Variants in COBLL1 observed in about 807,000 individuals in gnomAD.
COBLL1 encodes the protein cordon-bleu WH2 repeat protein like 1.
In COBLL1, 50 loss-of-function variants were observed where a neutral mutation model predicts 94.8. The observed-to-expected ratio is 0.53, with a 90% CI of 0.42 to 0.67. The LOEUF (loss-of-function observed/expected upper bound fraction) is 0.67. Ranked by LOEUF, COBLL1 falls within the 30% of genes least tolerant of loss-of-function variation. The pLI is 0.00. For missense variants in COBLL1, 1,362 were observed against 1,348.7 expected (o/e 1.01, Z -0.15); for synonymous variants, 448 against 473.8 (o/e 0.95, Z 0.71).
At chr2:164,765,963 C>T (rs1316489046) in intron 2 of COBLL1, among the ~76,000 whole-genome samples, 3 of 152,104 alleles carry the variant, frequency 2.0e-5, no homozygotes, top group African/African-American at 4.8e-5. Flanking sequence ...CCCTAACCAA[C>T]CTCCAGCCTC....
At position 164,841,509 on chromosome 2, in the gene COBLL1, T is replaced by C; in HGVS notation, c.-51+201A>G. The C allele has an allele frequency of 9.3e-7, 1 of 1,073,062 alleles. No homozygotes were observed. Among genetic ancestry groups the C allele is most frequent in the Non-Finnish European group, 1.1e-6 (1 of 875,562 alleles). The allele number at this position is 1,073,062 out of a possible 1,614,324, so 66.5% of individuals were successfully genotyped here. ...CCGTGGGGTTTACTGGGTAGCCATT[T>C]GGCGCCTCTCGGAGGGAGAGGAGCC... On this transcript the variant is annotated intron_variant, in intron 1 of 13. Transcript: ENST00000652658. The surrounding 1 kb of genome is among the most constrained non-coding windows in gnomAD (Gnocchi z 5.5).
intron 2 of COBLL1, among the ~76,000 whole-genome samples, chr2:164,834,538 A>C (rs1683232670): frequency 6.6e-6 from 1 of 152,234 alleles, no homozygotes; most frequent in African/African-American, 2.4e-5. Flanking sequence ...AATACTTAGA[A>C]GTCTCCTGTA....
intron 2 of COBLL1, among the ~76,000 whole-genome samples, chr2:164,818,686 G>GTA (rs1332912280): frequency 3.4e-5 from 5 of 147,518 alleles, no homozygotes; most frequent in African/African-American, 1.0e-4. Flanking sequence ...AACATATATA[G>GTA]TGTATATGTA....
intron 2 of COBLL1, chr2:164,837,502 CAAA>C: frequency 5.3e-6 from 2 of 378,540 alleles, no homozygotes; most frequent in Admixed American, 3.3e-5. Context: ...TTGCTCTCTG[CAAA>C]AAAAAAACGC....
chr2:164,790,178 C>T (rs1029599324), intron 2 of COBLL1, among the ~76,000 whole-genome samples: 3 of 152,168 alleles, frequency 2.0e-5, no homozygotes, highest in African/African-American at 7.2e-5. Flanking sequence ...TCCAGAATGG[C>T]TGGCGCCCTC....
chr2:164,692,388 A>C lies in COBLL1; in HGVS notation c.3133T>G (p.Ser1045Ala). Reference protein sequence around the residue: ...QLGVSDKENNSAHNEQNSQIP... With the variant: ...QLGVSDKENNAAHNEQNSQIP... Reference sequence around the variant, plus strand: ...TGGGAATTCTGTTCATTATGTGCAGAGTTATTTTCCTACAAAAATAAATGT... The same window carrying C: ...TGGGAATTCTGTTCATTATGTGCAGCGTTATTTTCCTACAAAAATAAATGT... Residue 1045 changes from serine to alanine, a missense_variant, in exon 13 of 14, where the codon TCT becomes GCT. By Grantham distance (99) the Ser-to-Ala change is moderately conservative. Transcript: ENST00000652658. 1 of 1,591,944 alleles carries C rather than the reference A, an allele frequency of 6.3e-7. No individual in the cohort carries two copies.
Position 164,778,677 on chromosome 2 carries a change from C to T in COBLL1, c.42-34802G>A, listed in dbSNP as rs372117476. ...TCTAAAATCAGTAAAACAGGGCAGT[C>T]ATATGATCTTATTTGCATATGGAGA... is the stretch of plus-strand genomic sequence containing the variant. On this transcript the variant is annotated intron_variant, in intron 2 of 13. Transcript: ENST00000652658. Among the ~76,000 whole-genome samples, 34 of 152,152 alleles carry T rather than the reference C, an allele frequency of 2.2e-4. No homozygotes were observed. In the South Asian group the frequency reaches 6.9e-3, roughly 31 times the overall value.
At chr2:164,717,688 G>C (rs1360059623) in intron 7 of COBLL1, among the ~76,000 whole-genome samples, 4 of 152,014 alleles carry the variant, frequency 2.6e-5, no homozygotes, top group African/African-American at 9.7e-5. Context: ...TGAGTAGCTG[G>C]GACTGCAGGC....
In COBLL1 at chr2:164,701,774, T is replaced by C. The variant is rs372725863; in HGVS notation, c.1226-1018A>G. On this transcript the variant is annotated intron_variant, in intron 9 of 13. Coordinates refer to ENST00000652658, the MANE Select transcript of COBLL1 (RefSeq NM_001365672.2). ...TCATGCTTATTGTCAAGATTAGCCA[T>C]GGAAGTAAATGTAAGCCAGAGTGAG... is the stretch of plus-strand genomic sequence containing the variant. 4.5e-4 allele frequency among the ~76,000 whole-genome samples: 69 copies of C among 152,222 alleles called. 1 individual carries two copies. Among genetic ancestry groups the C allele is most frequent in the East Asian group, 4.3e-3 (22 of 5,176 alleles).
At chr2:164,786,568 T>C (rs1040882604) in intron 2 of COBLL1, among the ~76,000 whole-genome samples, 1 of 152,040 alleles carries the variant, frequency 6.6e-6, no homozygotes, top group Non-Finnish European at 1.5e-5. Flanking sequence ...GAGAAGAAGC[T>C]CAAACAACAG....
chr2:164,785,466 C>A (rs1274183104), intron 2 of COBLL1, among the ~76,000 whole-genome samples: 1 of 152,068 alleles, frequency 6.6e-6, no homozygotes, highest in Non-Finnish European at 1.5e-5. Flanking sequence ...CCAGCCAACC[C>A]CATAAATGAA....
In COBLL1 at chr2:164,680,724, T is replaced by A. The variant is rs1167447470; in HGVS notation, c.*5222A>T. 6.6e-6 allele frequency: 1 copy of A among 152,066 alleles called. No individual in the cohort carries two copies. Among genetic ancestry groups the A allele is most frequent in the Non-Finnish European group, 1.5e-5 (1 of 68,012 alleles). 9.4% of individuals were successfully genotyped at this position (152,066 alleles called of 1,614,324 possible). A position where few individuals can be genotyped will look rare whatever the true frequency, so the allele number is the denominator to read the frequency against. On this transcript the variant is annotated 3_prime_UTR_variant, in exon 14 of 14. Coordinates refer to ENST00000652658, the MANE Select transcript of COBLL1 (RefSeq NM_001365672.2). Reference sequence around the variant, plus strand: ...TAAACAATATAAAAATATAAGTATATCCCAAATATTGTATGGGATATGCTT... The same window carrying A: ...TAAACAATATAAAAATATAAGTATAACCCAAATATTGTATGGGATATGCTT...
intron 5 of COBLL1, among the ~76,000 whole-genome samples, chr2:164,726,725 A>G (rs888624092): frequency 7.9e-5 from 12 of 152,148 alleles, no homozygotes; most frequent in African/African-American, 2.9e-4. Context: ...CATATGATTA[A>G]TATAACACCA....
intron 2 of COBLL1, among the ~76,000 whole-genome samples, chr2:164,765,819 G>A (rs1205198007): frequency 6.6e-6 from 1 of 152,044 alleles, no homozygotes; most frequent in Admixed American, 6.6e-5. Flanking sequence ...AATGAAGGTC[G>A]CTTTTGCCTT....
At chr2:164,711,622 G>T (rs937793188) in intron 7 of COBLL1, among the ~76,000 whole-genome samples, 1 of 150,602 alleles carries the variant, frequency 6.6e-6, no homozygotes, top group Non-Finnish European at 1.5e-5. Flanking sequence ...ATGAATTCAT[G>T]GATATGTATT....
chr2:164,712,071 A>C (rs1316396002), intron 7 of COBLL1, among the ~76,000 whole-genome samples: 2 of 152,180 alleles, frequency 1.3e-5, no homozygotes, highest in African/African-American at 4.8e-5. Context: ...TCACACCCAG[A>C]TCAGAATTTC....
At chr2:164,737,937 C>T (rs1686398651) in intron 3 of COBLL1, among the ~76,000 whole-genome samples, 1 of 152,148 alleles carries the variant, frequency 6.6e-6, no homozygotes, top group African/African-American at 2.4e-5. Context: ...TGCGACATGT[C>T]TCTGGGTTAT....
At chr2:164,753,739 ATT>A (rs71393637) in intron 2 of COBLL1, among the ~76,000 whole-genome samples, 97 of 138,544 alleles carry the variant, frequency 7.0e-4, no homozygotes, top group Admixed American at 6.6e-4. Flanking sequence ...GAGTATGGGA[ATT>A]TTTTTTTTTT....
chr2:164,841,325 A>T lies in COBLL1; in HGVS notation c.-50-79T>A. Reference sequence around the variant, plus strand: ...GGAGCGAAGCTGGCTGAGCGTCAAGAGCCCGCCCGAGCCGCTCCAGCCCCG... The same window carrying T: ...GGAGCGAAGCTGGCTGAGCGTCAAGTGCCCGCCCGAGCCGCTCCAGCCCCG... On this transcript the variant is annotated intron_variant, in intron 1 of 13. Coordinates refer to ENST00000652658, the MANE Select transcript of COBLL1 (RefSeq NM_001365672.2). This position sits in a 1 kb window ranked among gnomAD's most constrained non-coding sequence, Gnocchi z 5.5. 1.7e-6 allele frequency: 2 copies of T among 1,205,790 alleles called. No individual in the cohort carries two copies. The highest frequency in any genetic ancestry group is 6.8e-5 in the East Asian group (2 of 29,222). 74.7% of individuals were successfully genotyped at this position (1,205,790 alleles called of 1,614,324 possible). A position where few individuals can be genotyped will look rare whatever the true frequency, so the allele number is the denominator to read the frequency against.
Sources: gnomAD v4.1 joint callset for allele counts (sites outside exome capture counted in the v4.1 genomes callset) on GRCh38, gnomAD v4.1.1 for gene constraint, Gnocchi (gnomAD v3.1) non-coding constraint, MANE v1.5 for transcripts, NCBI Gene and HGNC (gene_info 2026-07-23, HGNC 2026-07-21) for gene names.